Variants in COMMD1 observed in about 807,000 individuals in gnomAD.
COMMD1 encodes COMM domain-containing protein 1.
A neutral mutation model predicts 17.2 loss-of-function variants in COMMD1; 10 were observed. The ratio of observed to expected loss-of-function variants is 0.58; its 90% CI spans 0.36 to 0.99. The LOEUF is 0.99. Among genes scored for constraint, COMMD1 ranks in the 50% least tolerant of loss-of-function variants. COMMD1 has a pLI of 0.01. For synonymous variants in COMMD1, 97 were observed against 91.6 expected (o/e 1.06, Z -0.34); for missense variants, 270 against 231.8 (o/e 1.17, Z -1.07).
intron 2 of COMMD1, among the ~76,000 whole-genome samples, chr2:62,041,974 G>C (rs1324919576): frequency 1.3e-5 from 2 of 152,216 alleles, no homozygotes; most frequent in African/African-American, 4.8e-5. Flanking sequence ...TCAGCGGCTT[G>C]CCGCTGCTGG....
At chr2:61,920,965 G>GTATATATATATATGTGTGTATATA (rs1553367991) in intron 1 of COMMD1, among the ~76,000 whole-genome samples, 1 of 127,940 alleles carries the variant, frequency 7.8e-6, no homozygotes, top group African/African-American at 3.0e-5. Context: ...ATATATGTGT[G>GTATATATATATATGTGTGTATATA]TATATATATA....
intron 1 of COMMD1, among the ~76,000 whole-genome samples, chr2:61,986,493 A>T (rs778012507): frequency 7.2e-6 from 1 of 139,022 alleles, no homozygotes; most frequent in Non-Finnish European, 1.5e-5. Context: ...TGTTTACCTT[A>T]TCTTTAAGGC....
intron 1 of COMMD1, among the ~76,000 whole-genome samples, chr2:61,963,190 TACACACACACACAC>T (rs375894719): frequency 4.4e-5 from 6 of 136,378 alleles, no homozygotes; most frequent in Non-Finnish European, 9.2e-5. Flanking sequence ...ATATATTATA[TACACACACACACAC>T]ACACACACAC....
chr2:62,109,078 C>CCCAAAAG (rs1342082918), intron 2 of COMMD1, among the ~76,000 whole-genome samples: 1 of 152,128 alleles, frequency 6.6e-6, no homozygotes, highest in African/African-American at 2.4e-5. Flanking sequence ...GATAGAGATA[C>CCCAAAAG]CCAAAAGGGC....
intron 1 of COMMD1, among the ~76,000 whole-genome samples, chr2:61,953,823 ATAATTTT>A (rs548576081): frequency 9.2e-5 from 14 of 152,174 alleles, no homozygotes; most frequent in Non-Finnish European, 1.6e-4. Context: ...TAGTTTTAAA[ATAATTTT>A]TAATTTTTAA....
chr2:61,899,774 A>T lies in COMMD1; in HGVS notation n.119+10932A>T, dbSNP rs920322177. ...ACTGCAACCTCAACCTCCCTGGCTC[A>T]AGCTATGCTGCCTCAGCCTCCTGCA... On this transcript the variant is annotated intron_variant and non_coding_transcript_variant, in intron 1 of 2. Coordinates refer to the COMMD1 transcript ENST00000472729. Among the ~76,000 whole-genome samples, 7 of 152,184 alleles carry T rather than the reference A, an allele frequency of 4.6e-5. No homozygotes were observed. The South Asian group carries it at 1.5e-3, about 32-fold the overall frequency.
intron 1 of COMMD1, among the ~76,000 whole-genome samples, chr2:61,945,815 G>T (rs1670890692): frequency 6.6e-6 from 1 of 152,212 alleles, no homozygotes; most frequent in Non-Finnish European, 1.5e-5. Flanking sequence ...ATTGGCAGTT[G>T]GTTGAAAGTC....
At chr2:62,048,003 C>G (rs1670429096) in intron 2 of COMMD1, among the ~76,000 whole-genome samples, 1 of 152,004 alleles carries the variant, frequency 6.6e-6, no homozygotes, top group East Asian at 1.9e-4. Context: ...TAAATACACT[C>G]TATGATGTTA....
At chr2:61,933,854 C>G (rs1041645335) in intron 1 of COMMD1, among the ~76,000 whole-genome samples, 2 of 151,138 alleles carry the variant, frequency 1.3e-5, no homozygotes, top group South Asian at 2.1e-4. Context: ...ACTTCCACCT[C>G]CCGGGTTCAA....
At chr2:61,970,523 G>A (rs977701204) in intron 1 of COMMD1, among the ~76,000 whole-genome samples, 1 of 152,016 alleles carries the variant, frequency 6.6e-6, no homozygotes, top group Non-Finnish European at 1.5e-5. Flanking sequence ...TGCTACATAA[G>A]TACTTGTTAT....
intron 2 of COMMD1, among the ~76,000 whole-genome samples, chr2:62,119,630 G>A (rs182718120): frequency 2.0e-5 from 3 of 152,294 alleles, no homozygotes; most frequent in Admixed American, 6.5e-5. Context: ...TTCTAACTAT[G>A]CCTATTTCTC....
chr2:62,001,136 GAT>G, intron 2 of COMMD1, 154 bp downstream of exon 2: 3 of 777,728 alleles, frequency 3.9e-6, no homozygotes, highest in Non-Finnish European at 6.3e-6. Context: ...TGAAAATTTG[GAT>G]ACTCTCACTT....
At chr2:62,049,426 G>C (rs1021433806) in intron 2 of COMMD1, among the ~76,000 whole-genome samples, 5 of 151,920 alleles carry the variant, frequency 3.3e-5, no homozygotes, top group Admixed American at 3.3e-4. Context: ...TTGTCCCCCA[G>C]GGGACATTTG....
chr2:61,979,547 A>C (rs1021116488), intron 1 of COMMD1, among the ~76,000 whole-genome samples: 1 of 152,084 alleles, frequency 6.6e-6, no homozygotes, highest in Non-Finnish European at 1.5e-5. Flanking sequence ...TCCCAAAAGA[A>C]ACAAAATCAG....
At chr2:62,036,805 C>T (rs1454263229) in intron 2 of COMMD1, among the ~76,000 whole-genome samples, 1 of 152,172 alleles carries the variant, frequency 6.6e-6, no homozygotes, top group Non-Finnish European at 1.5e-5. Flanking sequence ...CTAAAATTTA[C>T]TTTCTGTTTG....
At chr2:62,004,274 T>C (rs1221247417) in intron 2 of COMMD1, among the ~76,000 whole-genome samples, 1 of 152,174 alleles carries the variant, frequency 6.6e-6, no homozygotes, top group African/African-American at 2.4e-5. Flanking sequence ...ATGAAAATGA[T>C]TGATATTGCA....
intron 1 of COMMD1, among the ~76,000 whole-genome samples, chr2:61,946,292 CT>C (rs1438625252): frequency 2.0e-5 from 3 of 152,108 alleles, no homozygotes; most frequent in African/African-American, 7.2e-5. Context: ...CCCTTTGAGA[CT>C]TTCAAGGGGC....
chr2:61,932,526 A>G (rs1670496194), intron 1 of COMMD1, among the ~76,000 whole-genome samples: 1 of 152,248 alleles, frequency 6.6e-6, no homozygotes, highest in Non-Finnish European at 1.5e-5. Flanking sequence ...TGAAGAAAGA[A>G]GAAGTGAATA....
chr2:61,889,578 T>C (rs1171995207), intron 1 of COMMD1, among the ~76,000 whole-genome samples: 1 of 152,048 alleles, frequency 6.6e-6, no homozygotes, highest in Non-Finnish European at 1.5e-5. Flanking sequence ...AATAACTCTC[T>C]AAGGGATATG....
Sources: allele counts gnomAD v4.1 joint callset (sites outside exome capture counted in the v4.1 genomes callset), GRCh38; gene constraint gnomAD v4.1.1; transcripts MANE v1.5; gene names NCBI Gene and HGNC (gene_info 2026-07-23, HGNC 2026-07-21).